DYRK4: variants seen among roughly 807,000 people sequenced by gnomAD.
DYRK4 encodes the protein dual specificity tyrosine-phosphorylation-regulated kinase 4.
Under a neutral mutation model 68.3 loss-of-function variants are expected in DYRK4, and 64 were observed. That is an observed-to-expected ratio of 0.94 (90% confidence interval 0.77 to 1.15). The LOEUF is 1.15. DYRK4 is among the 50% of genes most tolerant of loss of function. DYRK4 has a pLI of 0.00. For synonymous variants in DYRK4, 274 were observed against 289.9 expected (o/e 0.95, Z 0.56); for missense variants, 740 against 764.7 (o/e 0.97, Z 0.38).
At position 4,591,153 on chromosome 12, in the gene DYRK4, T is replaced by C. The variant is rs772235175; in HGVS notation, c.325-7T>C. ...GTTATTTATTGCAAACCTCTTTTCC[T>C]GGACAGGAGAATCAAGCTCACAATC... On this transcript the variant is annotated splice_region_variant and splice_polypyrimidine_tract_variant and intron_variant, in intron 4 of 14. Coordinates refer to ENST00000543431, the MANE Select transcript of DYRK4 (RefSeq NM_001394779.1). This position sits in a 1 kb window ranked among gnomAD's most constrained non-coding sequence, Gnocchi z 4.1. 46 of 1,613,584 alleles carry C rather than the reference T, an allele frequency of 2.9e-5. No individual in the cohort carries two copies. The highest frequency in any genetic ancestry group is 3.8e-5 in the Non-Finnish European group (45 of 1,179,846).
chr12:4,565,551 G>C (rs774025347), intron 1 of DYRK4, among the ~76,000 whole-genome samples: 2 of 152,202 alleles, frequency 1.3e-5, no homozygotes, highest in South Asian at 2.1e-4. Flanking sequence ...TTCAGTGTTT[G>C]CTCCTTCTCT....
intron 2 of DYRK4, among the ~76,000 whole-genome samples, chr12:4,577,261 G>A (rs1320495002): frequency 6.6e-6 from 1 of 152,082 alleles, no homozygotes; most frequent in African/African-American, 2.4e-5. Flanking sequence ...TTTTTAATAA[G>A]TCTTGCTACA....
rs1438847638 is a variant in DYRK4 at position 4,571,641 on chromosome 12, C to T, written c.132+3593C>T. Among the ~76,000 whole-genome samples the T allele has an allele frequency of 2.0e-5, 3 of 151,834 alleles. No homozygotes were observed. The East Asian group carries it at 5.8e-4, about 29-fold the overall frequency. On this transcript the variant is annotated intron_variant, in intron 2 of 14. Transcript: ENST00000543431. ...TATCGTATTGTAGTTTATATTTTATCGTATGCCAATTAATACCTCAATAAA... is the reference window on the plus strand; with the variant it reads ...TATCGTATTGTAGTTTATATTTTATTGTATGCCAATTAATACCTCAATAAA...
chr12:4,580,796 G>A (rs985778654), intron 2 of DYRK4: 3 of 453,266 alleles, frequency 6.6e-6, no homozygotes, highest in African/African-American at 6.1e-5. Flanking sequence ...GGCACTTAGG[G>A]ATTTTTTTTT....
intron 1 of DYRK4, among the ~76,000 whole-genome samples, chr12:4,566,513 G>T (rs1944678443): frequency 6.6e-6 from 1 of 152,230 alleles, no homozygotes. Context: ...AGCTCCTCCA[G>T]CTGACTTAGT....
chr12:4,579,102 C>T (rs1306678734), intron 2 of DYRK4, among the ~76,000 whole-genome samples: 2 of 151,950 alleles, frequency 1.3e-5, no homozygotes, highest in Non-Finnish European at 2.9e-5. Context: ...TGGTGAAACC[C>T]CGTCTCTACT....
intron 2 of DYRK4, among the ~76,000 whole-genome samples, chr12:4,582,386 G>C (rs1315824004): frequency 2.0e-5 from 3 of 152,216 alleles, no homozygotes; most frequent in Non-Finnish European, 4.4e-5. Flanking sequence ...GGAGGTTGCG[G>C]TGAGCCGAGA....
intron 3 of DYRK4, among the ~76,000 whole-genome samples, chr12:4,589,732 A>G (rs1239687232): frequency 6.6e-6 from 1 of 152,112 alleles, no homozygotes; most frequent in African/African-American, 2.4e-5. Context: ...TCATCTGTTG[A>G]TGGACACTTA....
In DYRK4 at chr12:4,605,090, C is replaced by G. The variant is rs747038363; in HGVS notation, c.1299+4C>G. 1 of 1,609,588 alleles carries G rather than the reference C, an allele frequency of 6.2e-7. No individual in the cohort carries two copies. The highest frequency in any genetic ancestry group is 1.7e-5 in the Admixed American group (1 of 59,492). On this transcript the variant is annotated splice_donor_region_variant and intron_variant, in intron 11 of 14. Transcript: ENST00000543431. The stretch of plus-strand genomic sequence containing the variant: ...GCAGCTGGCCTGCATCATGGAGGTA[C>G]GCGGAGGGCTGGCGGTCGGCTCCCA...
intron 2 of DYRK4, among the ~76,000 whole-genome samples, chr12:4,579,884 CAA>C (rs66572449): frequency 0.038 from 5,852 of 152,226 alleles, 149 homozygotes; most frequent in African/African-American, 0.066. Context: ...TGGCAGAACA[CAA>C]AGAGGTCAGA....
In DYRK4 at chr12:4,613,750, A is replaced by G. The variant is rs751076723; in HGVS notation, c.1902A>G (p.Val634=). Residue 634 remains valine, a synonymous_variant, in exon 15 of 15, where the codon GTA becomes GTG. Coordinates refer to ENST00000543431, the MANE Select transcript of DYRK4 (RefSeq NM_001394779.1). This position sits in a 1 kb window ranked among gnomAD's most constrained non-coding sequence, Gnocchi z 4.0. ...ACACAAACGTTTTACCCCCTATTGT[A>G]TGACCTTTGCTGAGGGTATGTCCTG... The part of the protein sequence containing the change: ...LKNTNVLPPI[V] 6.4e-7 allele frequency: 1 copy of G among 1,553,428 alleles called. No individual in the cohort carries two copies. The highest frequency in any genetic ancestry group is 8.8e-7 in the Non-Finnish European group (1 of 1,142,234).
chr12:4,609,886 T>A (rs758585824), intron 12 of DYRK4: 17 of 232,820 alleles, frequency 7.3e-5, no homozygotes, highest in Non-Finnish European at 1.2e-4. Context: ...ATTATTTCTT[T>A]GATTTGGAGA....
chr12:4,596,657 C>T lies in DYRK4; in HGVS notation c.833C>T (p.Thr278Ile). Residue 278 changes from threonine (T) to isoleucine (I), a missense_variant, in exon 8 of 15, where the codon ACC (threonine) becomes ATC (isoleucine). Coordinates refer to ENST00000543431, the MANE Select transcript of DYRK4 (RefSeq NM_001394779.1). Reference protein sequence around the residue: ...EALRKKDKDNTYNVVHMKDFF... With the variant: ...EALRKKDKDNIYNVVHMKDFF... ...CTCAGAAAGAAGGACAAAGACAACA[C>T]CTACAATGTGGTGCATATGAAGGAC... is the stretch of plus-strand genomic sequence containing the variant. 2 of 1,614,222 alleles carry T rather than the reference C, an allele frequency of 1.2e-6. No individual in the cohort carries two copies. Among genetic ancestry groups the T allele is most frequent in the East Asian group, 2.2e-5 (1 of 44,886 alleles).
intron 10 of DYRK4, among the ~76,000 whole-genome samples, chr12:4,604,476 A>C (rs1019027617): frequency 6.6e-6 from 1 of 152,170 alleles, no homozygotes; most frequent in Non-Finnish European, 1.5e-5. Flanking sequence ...TGCACATGCT[A>C]TATTGAATAC....
intron 9 of DYRK4, 103 bp downstream of exon 9, chr12:4,599,269 A>AATT: frequency 5.4e-5 from 35 of 646,972 alleles, no homozygotes; most frequent in Non-Finnish European, 7.2e-5. Flanking sequence ...ATTGCCTTTG[A>AATT]CTTTTTTTTT....
intron 12 of DYRK4, among the ~76,000 whole-genome samples, chr12:4,609,495 C>T (rs1945193121): frequency 1.3e-5 from 2 of 152,146 alleles, no homozygotes; most frequent in Admixed American, 6.5e-5. Context: ...CTGCCCCGGG[C>T]GACTCCTAGT....
Position 4,613,450 on chromosome 12 carries a change from A to C in DYRK4, c.1667-65A>C. On this transcript the variant is annotated intron_variant, in intron 14 of 14. Coordinates refer to ENST00000543431, the MANE Select transcript of DYRK4 (RefSeq NM_001394779.1). This position sits in a 1 kb window ranked among gnomAD's most constrained non-coding sequence, Gnocchi z 4.0. ...TTCCACTAAGTGATGTACAACCTAA[A>C]GGACAATTAACATATAATCCACATT... The C allele has an allele frequency of 1.3e-6, 2 of 1,544,610 alleles. No homozygotes were observed. The highest frequency in any genetic ancestry group is 1.2e-5 in the South Asian group (1 of 80,620).
rs528579636 is a variant in DYRK4 at position 4,583,476 on chromosome 12, T to C, written c.133-5461T>C. Among the ~76,000 whole-genome samples, 4 of 152,172 alleles carry C rather than the reference T, an allele frequency of 2.6e-5. No individual in the cohort carries two copies. The East Asian group carries it at 5.8e-4, about 22-fold the overall frequency. ...GACCATTCCCTCTTGTATTAATATT[T>C]GTAAGCCACTCGCTACCCCGTGCTC... On this transcript the variant is annotated intron_variant, in intron 2 of 14. Transcript: ENST00000543431.
In DYRK4 at chr12:4,590,301, T is replaced by C. The variant is rs765906089; in HGVS notation, c.214-29T>C. ...GAGACGTTTTCTTGCCTAAGGCTTT[T>C]GTAACACATGCAATTTCTCCTTCTA... On this transcript the variant is annotated intron_variant, in intron 3 of 14. Transcript: ENST00000543431. The C allele has an allele frequency of 3.9e-6, 6 of 1,523,184 alleles. No individual in the cohort carries two copies. The South Asian group carries it at 7.4e-5, about 19-fold the overall frequency. The allele number at this position is 1,523,184 out of a possible 1,614,324, so 94.4% of individuals were successfully genotyped here. A position where few individuals can be genotyped will look rare whatever the true frequency, so the allele number is the denominator to read the frequency against.
Sources: gnomAD v4.1 joint callset for allele counts (sites outside exome capture counted in the v4.1 genomes callset) on GRCh38, gnomAD v4.1.1 for gene constraint, Gnocchi (gnomAD v3.1) non-coding constraint, MANE v1.5 for transcripts, NCBI Gene and HGNC (gene_info 2026-07-23, HGNC 2026-07-21) for gene names.